Variants in SNX25 observed in about 807,000 individuals in gnomAD.
SNX25 encodes sorting nexin-25.
SNX25 carries 62 observed loss-of-function variants against 113.7 expected under a neutral mutation model. The observed-to-expected ratio is 0.55, with a 90% CI of 0.44 to 0.67. SNX25 has a LOEUF of 0.67. SNX25 is among the 30% of genes least tolerant of loss of function. The pLI is 0.00. For missense variants in SNX25, 1,014 were observed against 1,161.0 expected, an observed-to-expected ratio of 0.87 and a Z score of 1.84; for synonymous variants, 421 against 436.2, an observed-to-expected ratio of 0.97 and a Z score of 0.43.
At chr4:185,291,972 T>G (rs938507415) in intron 6 of SNX25, among the ~76,000 whole-genome samples, 3 of 152,180 alleles carry the variant, frequency 2.0e-5, no homozygotes, top group Admixed American at 6.5e-5. Context: ...GTTCCCTTTT[T>G]TGTGTGTGTG....
At chr4:185,336,636 T>C (rs1225306423) in intron 10 of SNX25, among the ~76,000 whole-genome samples, 2 of 152,244 alleles carry the variant, frequency 1.3e-5, no homozygotes, top group Non-Finnish European at 2.9e-5. Flanking sequence ...GCTGTGCAAG[T>C]ATCTTTTTTG....
chr4:185,349,235 T>C (rs1400238894), intron 13 of SNX25, among the ~76,000 whole-genome samples: 1 of 152,190 alleles, frequency 6.6e-6, no homozygotes, highest in Non-Finnish European at 1.5e-5. Context: ...AAATTTGCAT[T>C]GGGCTGCATG....
intron 1 of SNX25, among the ~76,000 whole-genome samples, chr4:185,222,517 C>T (rs555436861): frequency 1.3e-4 from 20 of 152,136 alleles, no homozygotes; most frequent in African/African-American, 4.6e-4. Context: ...ACCCCTCCCT[C>T]GCGGTAGGTA....
intron 1 of SNX25, among the ~76,000 whole-genome samples, chr4:185,239,310 C>G (rs1427569143): frequency 6.6e-6 from 1 of 151,794 alleles, no homozygotes; most frequent in Non-Finnish European, 1.5e-5. Context: ...GGTGAAACTC[C>G]GTCTCTACTA....
intron 7 of SNX25, among the ~76,000 whole-genome samples, chr4:185,317,580 A>C (rs988339097): frequency 6.6e-6 from 1 of 152,232 alleles, no homozygotes. Context: ...CCAAATGCCC[A>C]TCAATGATAG....
chr4:185,337,395 A>G (rs1482973136), intron 10 of SNX25, among the ~76,000 whole-genome samples: 3 of 152,198 alleles, frequency 2.0e-5, no homozygotes, highest in African/African-American at 4.8e-5. Flanking sequence ...TTCAGGGTTC[A>G]TCCATGTGGT....
upstream of SNX25, among the ~76,000 whole-genome samples, chr4:185,204,619 T>A (rs1443779234): frequency 6.6e-6 from 1 of 152,204 alleles, no homozygotes; most frequent in African/African-American, 2.4e-5. Flanking sequence ...TGTCACCTTA[T>A]GTGGCAGACA....
rs140343414 is a variant in SNX25, at chr4:185,247,253, C to T, written c.430-41C>T. 6.6e-4 allele frequency: 859 copies of T among 1,298,194 alleles called. 6 individuals are homozygous for T. In the African/African-American group the frequency reaches 0.011, roughly 17 times the overall value. 80.4% of individuals were successfully genotyped at this position (1,298,194 alleles called of 1,614,324 possible). A position where few individuals can be genotyped will look rare whatever the true frequency, so the allele number is the denominator to read the frequency against. ...ATTTTTTTTTTTTATGTGATTTATT[C>T]ATTCAGTAATCTGCTTTGTATTTTT... is the stretch of plus-strand genomic sequence containing the variant. On this transcript the variant is annotated intron_variant, in intron 1 of 18. Transcript: ENST00000652585.
intron 1 of SNX25, among the ~76,000 whole-genome samples, chr4:185,212,491 G>GTGTGTGTGTTTGT (rs546083196): frequency 4.8e-5 from 5 of 104,938 alleles, no homozygotes; most frequent in African/African-American, 1.9e-4. Flanking sequence ...GTGTGTGTGT[G>GTGTGTGTGTTTGT]TTTTTTTTTT....
intron 13 of SNX25, among the ~76,000 whole-genome samples, chr4:185,346,968 C>G (rs866541932): frequency 9.2e-5 from 14 of 152,206 alleles, no homozygotes; most frequent in African/African-American, 2.2e-4. Context: ...TCCCGACTTC[C>G]AGCACCATAG....
chr4:185,279,307 C>T (rs1003164883), intron 5 of SNX25, among the ~76,000 whole-genome samples: 2 of 152,068 alleles, frequency 1.3e-5, no homozygotes, highest in Non-Finnish European at 2.9e-5. Context: ...GTTTCCTCAA[C>T]CCTTGGGGTG....
chr4:185,243,943 A>G (rs1744458823), intron 1 of SNX25, among the ~76,000 whole-genome samples: 1 of 152,258 alleles, frequency 6.6e-6, no homozygotes, highest in African/African-American at 2.4e-5. Context: ...AGTCATATTC[A>G]TACCCAGCCC....
At chr4:185,354,041 C>CAA (rs138207766) in intron 15 of SNX25, among the ~76,000 whole-genome samples, 99 of 84,504 alleles carry the variant, frequency 1.2e-3, no homozygotes, top group Middle Eastern at 6.8e-3. Flanking sequence ...GACTCCGTCT[C>CAA]AAAAAAAAAA....
At chr4:185,222,589 AGTT>A (rs1421813363) in intron 1 of SNX25, among the ~76,000 whole-genome samples, 1 of 152,158 alleles carries the variant, frequency 6.6e-6, no homozygotes, top group Non-Finnish European at 1.5e-5. Flanking sequence ...CCTTCACTGT[AGTT>A]GTCACAGTTG....
chr4:185,254,644 A>G (rs1746141937), intron 2 of SNX25, among the ~76,000 whole-genome samples: 1 of 152,182 alleles, frequency 6.6e-6, no homozygotes, highest in South Asian at 2.1e-4. Flanking sequence ...GTCCTCATCT[A>G]TAGTTTTTCT....
chr4:185,218,935 CT>C (rs1739335963), intron 1 of SNX25, among the ~76,000 whole-genome samples: 2 of 152,126 alleles, frequency 1.3e-5, no homozygotes, highest in Admixed American at 1.3e-4. Flanking sequence ...ACCTCATCCT[CT>C]TGCAGTACTC....
intron 5 of SNX25, among the ~76,000 whole-genome samples, chr4:185,281,574 G>A (rs895908200): frequency 1.3e-5 from 2 of 152,130 alleles, no homozygotes; most frequent in African/African-American, 4.8e-5. Flanking sequence ...CATTTATCCA[G>A]CAGTCCCTTT....
intron 1 of SNX25, among the ~76,000 whole-genome samples, chr4:185,230,502 C>A (rs1176658422): frequency 1.3e-5 from 2 of 151,818 alleles, no homozygotes; most frequent in East Asian, 3.9e-4. Flanking sequence ...AAGCAATTCT[C>A]CTGCCTCAGC....
intron 6 of SNX25, among the ~76,000 whole-genome samples, chr4:185,300,156 C>T (rs968900853): frequency 1.5e-5 from 2 of 133,716 alleles, no homozygotes; most frequent in African/African-American, 5.6e-5. Flanking sequence ...ACAATGTCCA[C>T]TAGGAAATTT....
Sources: gnomAD v4.1 joint callset for allele counts (sites outside exome capture counted in the v4.1 genomes callset) on GRCh38, gnomAD v4.1.1 for gene constraint, MANE v1.5 for transcripts, NCBI Gene and HGNC (gene_info 2026-07-23, HGNC 2026-07-21) for gene names.